Variants in HIBCH observed in about 807,000 individuals in gnomAD.
HIBCH encodes 3-hydroxyisobutyryl-CoA hydrolase, also known as 3-hydroxyisobutyryl-CoA hydrolase, mitochondrial.
Under a neutral mutation model 58.2 loss-of-function variants are expected in HIBCH, and 50 were observed. The ratio of observed to expected loss-of-function variants is 0.86; its 90% CI spans 0.68 to 1.09. The LOEUF (loss-of-function observed/expected upper bound fraction) is 1.09, where lower values mean the gene tolerates loss of function less well. Among genes scored for constraint, HIBCH ranks in the 50% least tolerant of loss-of-function variants. HIBCH has a pLI of 0.00. For missense variants in HIBCH, 450 were observed against 449.7 expected (o/e 1.00, Z -0.01); for synonymous variants, 151 against 146.9 (o/e 1.03, Z -0.20).
chr2:190,291,923 A>G (rs1020861560), intron 4 of HIBCH, among the ~76,000 whole-genome samples: 2 of 152,256 alleles, frequency 1.3e-5, no homozygotes, highest in African/African-American at 2.4e-5. Context: ...CTTTTATGGG[A>G]AAGTATTACA....
chr2:190,237,013 G>A lies in HIBCH; in HGVS notation c.891+7874C>T, dbSNP rs77496023. On this transcript the variant is annotated intron_variant, in intron 11 of 13. Coordinates refer to ENST00000359678, the MANE Select transcript of HIBCH (RefSeq NM_014362.4). ...ATTGCTCTTATTAATAGCAATAAAT[G>A]GTATACTATAATGGGTACATTCAGC... Among the ~76,000 whole-genome samples, 1,000 of 152,156 alleles carry A rather than the reference G, an allele frequency of 6.6e-3. 16 individuals are homozygous for A. Among genetic ancestry groups the A allele is most frequent in the African/African-American group, 0.022 (926 of 41,510 alleles).
intron 1 of HIBCH, among the ~76,000 whole-genome samples, chr2:190,314,361 A>ACG (rs1688653002): frequency 2.3e-5 from 1 of 44,360 alleles, no homozygotes; most frequent in South Asian, 1.1e-3. Context: ...ATATATACGT[A>ACG]TATATATACG....
At chr2:190,255,828 G>GGAGAGAGA (rs56688526) in intron 7 of HIBCH, among the ~76,000 whole-genome samples, 14 of 150,208 alleles carry the variant, frequency 9.3e-5, no homozygotes, top group African/African-American at 3.2e-4. Context: ...GCTTAGGAAT[G>GGAGAGAGA]GAGAGAGAGA....
intron 11 of HIBCH, among the ~76,000 whole-genome samples, chr2:190,225,493 T>C (rs1315478895): frequency 6.6e-6 from 1 of 152,238 alleles, no homozygotes; most frequent in Middle Eastern, 3.4e-3. Context: ...TATAAACACC[T>C]CTACACAAAT....
intron 9 of HIBCH, among the ~76,000 whole-genome samples, chr2:190,248,633 G>A (rs55742982): frequency 0.23 from 34,814 of 152,012 alleles, 4,179 homozygotes; most frequent in East Asian, 0.32. Flanking sequence ...AAGCTGAGGA[G>A]GGTGGATCAT....
intron 8 of HIBCH, chr2:190,250,370 C>G (rs1405877837): frequency 2.1e-6 from 1 of 469,922 alleles, no homozygotes; most frequent in African/African-American, 2.0e-5. Flanking sequence ...TGTTTTTACA[C>G]TTACCATACT....
In HIBCH at chr2:190,275,356, C is replaced by A. The variant is rs114142680; in HGVS notation, c.438+12230G>T. ...TACTTAATTTTATATTTAAACAAAT[C>A]TGTAATTGTTATATTCAAGGAATCT... On this transcript the variant is annotated intron_variant, in intron 6 of 13. Transcript: ENST00000359678. Among the ~76,000 whole-genome samples, 949 of 152,234 alleles carry A rather than the reference C, an allele frequency of 6.2e-3. 9 individuals carry two copies. Among genetic ancestry groups the A allele is most frequent in the African/African-American group, 0.022 (900 of 41,540 alleles).
In HIBCH at chr2:190,235,791, C is replaced by T. The variant is rs986208218; in HGVS notation, c.891+9096G>A. Among the ~76,000 whole-genome samples, 4 of 152,164 alleles carry T rather than the reference C, an allele frequency of 2.6e-5. No homozygotes were observed. In the East Asian group the frequency reaches 7.7e-4, roughly 29 times the overall value. On this transcript the variant is annotated intron_variant, in intron 11 of 13. Transcript: ENST00000359678. Reference sequence around the variant, plus strand: ...ACTTCCTCATGAGGCCTCTCAGAATCCCTCCATCGTTTTATGGACATCCAT... The same window carrying T: ...ACTTCCTCATGAGGCCTCTCAGAATTCCTCCATCGTTTTATGGACATCCAT...
intron 2 of HIBCH, among the ~76,000 whole-genome samples, chr2:190,303,439 C>A (rs1162430010): frequency 1.2e-4 from 16 of 131,714 alleles, no homozygotes; most frequent in East Asian, 2.2e-4. Context: ...AGGAAATGTT[C>A]AAAAAAAAAA....
At chr2:190,269,051 C>A (rs948674009) in intron 6 of HIBCH, among the ~76,000 whole-genome samples, 1 of 152,058 alleles carries the variant, frequency 6.6e-6, no homozygotes, top group Non-Finnish European at 1.5e-5. Context: ...GAAACTGGAC[C>A]GCTCTCCTTA....
intron 2 of HIBCH, among the ~76,000 whole-genome samples, chr2:190,299,248 A>G (rs1402038340): frequency 6.6e-6 from 1 of 152,250 alleles, no homozygotes; most frequent in East Asian, 1.9e-4. Context: ...ACACGTTTAT[A>G]TAACGTTTAA....
At chr2:190,278,812 G>A (rs1273487686) in intron 6 of HIBCH, among the ~76,000 whole-genome samples, 1 of 150,282 alleles carries the variant, frequency 6.7e-6, no homozygotes, top group South Asian at 2.1e-4. Context: ...TGGGAGATAA[G>A]GTAAGCCTAG....
At position 190,310,185 on chromosome 2, in the gene HIBCH, G is replaced by A. The variant is rs150095662; in HGVS notation, c.78+569C>T. Among the ~76,000 whole-genome samples, 1,025 of 152,218 alleles carry A rather than the reference G, an allele frequency of 6.7e-3. 12 individuals carry two copies. Among genetic ancestry groups the A allele is most frequent in the African/African-American group, 0.022 (931 of 41,526 alleles). ...ACCAGTGGTTTGCCAGAGGCTCTTGGGCCTTTGGCCACAGACTGGAGGCTG... is the reference window on the plus strand; with the variant it reads ...ACCAGTGGTTTGCCAGAGGCTCTTGAGCCTTTGGCCACAGACTGGAGGCTG... On this transcript the variant is annotated intron_variant, in intron 2 of 13. Transcript: ENST00000359678.
At chr2:190,277,536 C>G (rs578212443) in intron 6 of HIBCH, among the ~76,000 whole-genome samples, 2 of 152,132 alleles carry the variant, frequency 1.3e-5, no homozygotes, top group Admixed American at 6.6e-5. Context: ...GTTAGCTCCA[C>G]GTTATTCTCA....
intron 6 of HIBCH, among the ~76,000 whole-genome samples, chr2:190,265,608 T>C (rs1324484528): frequency 6.6e-6 from 1 of 152,208 alleles, no homozygotes; most frequent in Non-Finnish European, 1.5e-5. Context: ...GAAGTTCTCA[T>C]TCTTAACACA....
At chr2:190,263,906 AATCTATGAAC>A (rs2105955245) in intron 6 of HIBCH, among the ~76,000 whole-genome samples, 1 of 151,868 alleles carries the variant, frequency 6.6e-6, no homozygotes, top group African/African-American at 2.4e-5. Context: ...CCCACAATGT[AATCTATGAAC>A]TATCCTGAGA....
In HIBCH at chr2:190,232,851, G is replaced by A. The variant is rs368581190; in HGVS notation, c.891+12036C>T. ...CGGGCACCTGTAGTCCCAGCTACTCGGGAGGCTGAGGCAGGAGAATGGCGT... is the reference window on the plus strand; with the variant it reads ...CGGGCACCTGTAGTCCCAGCTACTCAGGAGGCTGAGGCAGGAGAATGGCGT... On this transcript the variant is annotated intron_variant, in intron 11 of 13. Coordinates refer to ENST00000359678, the MANE Select transcript of HIBCH (RefSeq NM_014362.4). Among the ~76,000 whole-genome samples the A allele has an allele frequency of 3.2e-4, 49 of 152,176 alleles. 1 individual carries two copies. The highest frequency in any genetic ancestry group is 1.0e-3 in the Admixed American group (16 of 15,286).
At chr2:190,199,767 T>C, downstream of HIBCH, 1 of 1,541,910 alleles carries the variant, frequency 6.5e-7, no homozygotes, top group Admixed American at 2.0e-5. Context: ...GGGAAAGCAC[T>C]GGTCAACATC....
At chr2:190,255,168 C>T (rs1288432786) in intron 7 of HIBCH, among the ~76,000 whole-genome samples, 1 of 152,164 alleles carries the variant, frequency 6.6e-6, no homozygotes, top group East Asian at 1.9e-4. Context: ...TTATACTCTT[C>T]CACAACTTCC....
Sources: gnomAD v4.1 joint callset for allele counts (sites outside exome capture counted in the v4.1 genomes callset) on GRCh38, gnomAD v4.1.1 for gene constraint, MANE v1.5 for transcripts, NCBI Gene and HGNC (gene_info 2026-07-23, HGNC 2026-07-21) for gene names.